The following PDCD11 variants were observed in gnomAD, a reference collection of about 807,000 sequenced individuals.
The protein encoded by PDCD11 is programmed cell death 11, also known as protein RRP5 homolog.
In PDCD11, 97 loss-of-function variants were observed where a neutral mutation model predicts 198.9. The ratio of observed to expected loss-of-function variants is 0.49; its 90% CI spans 0.41 to 0.58. The LOEUF is 0.58. PDCD11 is among the 20% of genes least tolerant of loss of function. The probability of loss-of-function intolerance (pLI) is 0.00; values close to 1 mark genes in which losing one functional copy is unlikely to be tolerated. For missense variants in PDCD11, 2,102 were observed against 2,312.7 expected (o/e 0.91, Z 1.87); for synonymous variants, 893 against 918.0 (o/e 0.97, Z 0.49).
chr10:103,399,255 G>A (rs188201318), intron 2 of PDCD11, among the ~76,000 whole-genome samples: 1 of 151,914 alleles, frequency 6.6e-6, no homozygotes, highest in African/African-American at 2.4e-5. Context: ...TCACCATGTT[G>A]GCCAGGCTGG....
At chr10:103,417,709 C>T (rs1461285003) in intron 13 of PDCD11, 83 bp from the exon 14 acceptor site, 2 of 1,452,914 alleles carry the variant, frequency 1.4e-6, no homozygotes, top group African/African-American at 1.4e-5. Context: ...CCCAAGTCCT[C>T]TGCAGCAGTA....
intron 7 of PDCD11, among the ~76,000 whole-genome samples, chr10:103,408,827 A>G (rs746147298): frequency 1.3e-5 from 2 of 152,200 alleles, no homozygotes; most frequent in African/African-American, 2.4e-5. Context: ...GGCATGAGCC[A>G]CTGCGCCCAC....
rs764068413 is a variant in PDCD11, at chr10:103,414,272, C to T, written c.1313C>T (p.Ser438Phe). ...TCTGTGTTTTCTCCTTGTCCTAGGT[C>T]TATTATTGAAGCTCAGTACCTTAGA... Reference protein sequence around the residue: ...DELALLSLRTSIIEAQYLRYH... With the variant: ...DELALLSLRTFIIEAQYLRYH... Residue 438 changes from serine (S) to phenylalanine (F), a missense_variant and splice_region_variant, in exon 11 of 36, where the codon TCT becomes TTT. Transcript: ENST00000369797. 2 of 1,613,400 alleles carry T rather than the reference C, an allele frequency of 1.2e-6. No individual in the cohort carries two copies. Among genetic ancestry groups the T allele is most frequent in the Non-Finnish European group, 1.7e-6 (2 of 1,179,414 alleles).
chr10:103,416,839 G>A (rs994947196), intron 13 of PDCD11, 97 bp downstream of exon 13: 14 of 1,371,198 alleles, frequency 1.0e-5, no homozygotes, highest in Non-Finnish European at 1.2e-5. Flanking sequence ...TTAGGAGGCT[G>A]AGGAAGAGAG....
rs779657370 is a variant in PDCD11, at chr10:103,444,611, C to T, written c.5373C>T (p.Tyr1791=). 1.9e-6 allele frequency: 3 copies of T among 1,614,078 alleles called. No homozygotes were observed. The highest frequency in any genetic ancestry group is 2.5e-6 in the Non-Finnish European group (3 of 1,180,040). The change falls in exon 35 of 36, where the codon TAC becomes TAT. Residue 1791 remains tyrosine, a synonymous_variant. Transcript: ENST00000369797. ...KAIFENTLST[Y]PKRTDVWSVY... ...TTTTTGAGAACACGCTGAGCACCTA[C>T]CCAAAGCGCACAGATGTCTGGTCGG...
chr10:103,405,558 G>A (rs908191824), intron 5 of PDCD11, among the ~76,000 whole-genome samples: 1 of 152,004 alleles, frequency 6.6e-6, no homozygotes, highest in African/African-American at 2.4e-5. Flanking sequence ...GCCATGCCCA[G>A]CTAATTTTTG....
chr10:103,419,003 T>C (rs1261120212), intron 15 of PDCD11, among the ~76,000 whole-genome samples: 1 of 151,594 alleles, frequency 6.6e-6, no homozygotes, highest in East Asian at 1.9e-4. Flanking sequence ...TTTTCCCCTA[T>C]GCCTTCTCCC....
chr10:103,408,563 C>CA (rs980423238), intron 7 of PDCD11, among the ~76,000 whole-genome samples: 1 of 151,782 alleles, frequency 6.6e-6, no homozygotes, highest in Non-Finnish European at 1.5e-5. Flanking sequence ...ATTTTTGAGA[C>CA]AGAGTCTTGC....
chr10:103,426,552 T>C (rs1241257808), intron 20 of PDCD11, among the ~76,000 whole-genome samples: 1 of 152,100 alleles, frequency 6.6e-6, no homozygotes, highest in Non-Finnish European at 1.5e-5. Context: ...CCAGCACTTT[T>C]GGGAGGCTGA....
chr10:103,440,229 C>T, intron 28 of PDCD11, 61 bp from the exon 29 acceptor site: 3 of 1,543,772 alleles, frequency 1.9e-6, no homozygotes, highest in Non-Finnish European at 1.7e-6. Context: ...AAGGCCTGGG[C>T]CGCCTGTGGT....
intron 5 of PDCD11, 76 bp downstream of exon 5, chr10:103,405,259 C>T: frequency 7.0e-7 from 1 of 1,438,026 alleles, no homozygotes; most frequent in Non-Finnish European, 9.6e-7. Context: ...GTCTAGGCCA[C>T]CTTTTACTTT....
intron 7 of PDCD11, among the ~76,000 whole-genome samples, chr10:103,407,808 T>G (rs1276247472): frequency 2.0e-5 from 3 of 151,608 alleles, no homozygotes; most frequent in Admixed American, 2.0e-4. Context: ...AACCTCTGCC[T>G]CCCGGATTCA....
intron 32 of PDCD11, 67 bp from the exon 33 acceptor site, chr10:103,443,094 AGTCT>A: frequency 7.3e-7 from 1 of 1,377,360 alleles, no homozygotes; most frequent in Non-Finnish European, 9.8e-7. Context: ...GTGGTTCCTG[AGTCT>A]GTCTGGATGG....
rs372779553 is a variant in PDCD11 at position 103,417,778 on chromosome 10, T to C, written c.1771-14T>C. 1.2e-6 allele frequency: 2 copies of C among 1,612,676 alleles called. No homozygotes were observed. Among genetic ancestry groups the C allele is most frequent in the Non-Finnish European group, 8.5e-7 (1 of 1,179,578 alleles). On this transcript the variant is annotated splice_polypyrimidine_tract_variant and intron_variant, in intron 13 of 35. Coordinates refer to ENST00000369797, the MANE Select transcript of PDCD11 (RefSeq NM_014976.2). ...CTGGGAGGAGTTGGCCAAGCCTGTG[T>C]GGTTTCTTGCCAGGTGGTGAAGGTT...
intron 33 of PDCD11, among the ~76,000 whole-genome samples, chr10:103,443,706 G>A (rs903408323): frequency 2.0e-5 from 3 of 152,212 alleles, no homozygotes; most frequent in African/African-American, 7.2e-5. Flanking sequence ...GTGCGGATCA[G>A]CAGGGAATCC....
rs556805813 is a variant in PDCD11, at chr10:103,444,164, T to C, written c.5278+96T>C. ...TTGCTTCTTCTAAGTCAGGAGAGCC[T>C]TGTGAGGGCTTTCCTCTTGCTGCCT... On this transcript the variant is annotated intron_variant, in intron 34 of 35. Transcript: ENST00000369797. 4.2e-5 allele frequency: 43 copies of C among 1,020,090 alleles called. 1 individual carries two copies. In the South Asian group the frequency reaches 5.5e-4, roughly 13 times the overall value. 63.2% of individuals were successfully genotyped at this position (1,020,090 alleles called of 1,614,324 possible).
rs1457399863 is a variant in PDCD11, at chr10:103,438,715, A to T, written c.3932A>T (p.Glu1311Val). Residue 1311 changes from glutamate to valine, a missense_variant, in exon 27 of 36, where the codon GAA (glutamate) becomes GTA (valine). By Grantham distance (121) the Glu-to-Val change is moderately radical. Transcript: ENST00000369797. ...AACCCGGAGACGAAAAGCAAAGTAG[A>T]AGATCCAGAGATTAACTCCATCCAG... ...RTNPETKSKVEDPEINSIQDI... is the reference protein window; with the variant it reads ...RTNPETKSKVVDPEINSIQDI... 1 of 1,614,226 alleles carries T rather than the reference A, an allele frequency of 6.2e-7. No individual in the cohort carries two copies. The highest frequency in any genetic ancestry group is 1.7e-5 in the Admixed American group (1 of 60,036).
chr10:103,432,569 G>A (rs1389552887), intron 22 of PDCD11, among the ~76,000 whole-genome samples: 1 of 152,214 alleles, frequency 6.6e-6, no homozygotes, highest in Non-Finnish European at 1.5e-5. Flanking sequence ...CAGGTGCACT[G>A]TAAAACAACA....
rs753476534 is a variant in PDCD11 at position 103,425,506 on chromosome 10, C to T, written c.3286C>T (p.Arg1096Ter). 39 of 1,609,802 alleles carry T rather than the reference C, an allele frequency of 2.4e-5. No homozygotes were observed. Among genetic ancestry groups the T allele is most frequent in the African/African-American group, 5.4e-5 (4 of 74,704 alleles). ...KTVTARVIGG[R>*]DMKTFKYLPI... The stretch of plus-strand genomic sequence containing the variant: ...GGTCACTGCCCGAGTGATTGGCGGG[C>T]GAGACATGAAGACATTCAAGTATGG... Residue 1096 changes from arginine (R) to a stop codon, truncating the protein, a stop_gained, in exon 20 of 36, where the codon CGA (arginine) becomes TGA (stop). Coordinates refer to ENST00000369797, the MANE Select transcript of PDCD11 (RefSeq NM_014976.2). LOFTEE classifies it high-confidence loss of function.
Sources: allele counts gnomAD v4.1 joint callset (sites outside exome capture counted in the v4.1 genomes callset), GRCh38; gene constraint gnomAD v4.1.1; transcripts MANE v1.5; gene names NCBI Gene and HGNC (gene_info 2026-07-23, HGNC 2026-07-21).